Variants in ARID3C observed in about 807,000 individuals in gnomAD.
The protein encoded by ARID3C is AT-rich interaction domain 3C.
ARID3C carries 42 observed loss-of-function variants against 37.9 expected under a neutral mutation model. That is an observed-to-expected ratio of 1.11 (90% CI 0.87 to 1.43). The LOEUF is 1.43. Among genes scored for constraint, ARID3C ranks in the 40% most tolerant of loss-of-function variants. The pLI is 0.00. For missense variants in ARID3C, 581 were observed against 548.8 expected (o/e 1.06, Z -0.59); for synonymous variants, 213 against 228.0 (o/e 0.93, Z 0.59).
chr9:34,624,971 C>G (rs916142255), intron 2 of ARID3C, among the ~76,000 whole-genome samples: 2 of 151,812 alleles, frequency 1.3e-5, no homozygotes, highest in African/African-American at 4.8e-5. Flanking sequence ...ACTTAGGTCC[C>G]TACTGAGGGT....
chr9:34,621,652 G>T, intron 6 of ARID3C, 94 bp from the exon 8 acceptor site: 2 of 956,998 alleles, frequency 2.1e-6, no homozygotes, highest in South Asian at 1.6e-5. Flanking sequence ...AAGTGTTCTG[G>T]TTGCTAGAAC....
chr9:34,630,995 G>T (rs1399939198), upstream of ARID3C, among the ~76,000 whole-genome samples: 1 of 152,156 alleles, frequency 6.6e-6, no homozygotes, highest in Non-Finnish European at 1.5e-5. Context: ...GCTGGGAGGG[G>T]AGAATCAGTG....
intron 1 of ARID3C, 121 bp downstream of exon 2, chr9:34,627,576 T>A (rs1245620699): frequency 2.3e-6 from 2 of 873,906 alleles, no homozygotes; most frequent in Non-Finnish European, 3.5e-6. Context: ...TCCGTGTCTC[T>A]GTGTCTCTTT....
upstream of ARID3C, among the ~76,000 whole-genome samples, chr9:34,631,426 C>T (rs575009533): frequency 6.6e-6 from 1 of 152,330 alleles, no homozygotes; most frequent in South Asian, 2.1e-4. Context: ...GCCTCTCATA[C>T]CCGCAGTCTG....
chr9:34,631,427 C>T (rs1167282496), upstream of ARID3C, among the ~76,000 whole-genome samples: 1 of 152,192 alleles, frequency 6.6e-6, no homozygotes, highest in Non-Finnish European at 1.5e-5. Context: ...CCTCTCATAC[C>T]CGCAGTCTGG....
chr9:34,625,848 C>G, intron 1 of ARID3C, 34 bp from the exon 3 acceptor site: 1 of 1,610,454 alleles, frequency 6.2e-7, no homozygotes, highest in East Asian at 2.2e-5. Flanking sequence ...TACAGCTCTG[C>G]TGACTCCCCC....
At chr9:34,625,950 A>G in intron 1 of ARID3C, 136 bp from the exon 3 acceptor site, 1 of 974,788 alleles carries the variant, frequency 1.0e-6, no homozygotes, top group Admixed American at 2.4e-5. Flanking sequence ...CCCTGGGATT[A>G]GCATTAGGCT....
intron 4 of ARID3C, 108 bp downstream of exon 5, chr9:34,623,317 A>T: frequency 1.5e-6 from 2 of 1,318,790 alleles, no homozygotes; most frequent in Non-Finnish European, 2.0e-6. Context: ...CTGCTCCCAT[A>T]CCTCAATGCC....
chr9:34,625,186 G>T (rs780336354), intron 2 of ARID3C, among the ~76,000 whole-genome samples: 1 of 152,118 alleles, frequency 6.6e-6, no homozygotes, highest in South Asian at 2.1e-4. Context: ...ATGAATCTGG[G>T]AAAAAGCTGA....
At chr9:34,621,498 G>A (rs1397390332) in exon 7 of ARID3C, 3 of 1,540,376 alleles carry the variant, frequency 1.9e-6, no homozygotes, top group South Asian at 1.3e-5. Context: ...GGAGGGTGGG[G>A]GTGCAGGGTT....
In ARID3C at chr9:34,623,303, C is replaced by A. The variant is rs1820602328; in HGVS notation, c.865+122G>T. 3 of 1,230,412 alleles carry A rather than the reference C, an allele frequency of 2.4e-6. No homozygotes were observed. The East Asian group carries it at 8.2e-5, about 34-fold the overall frequency. 76.2% of individuals were successfully genotyped at this position (1,230,412 alleles called of 1,614,324 possible). A position where few individuals can be genotyped will look rare whatever the true frequency, so the allele number is the denominator to read the frequency against. ...CCCAAACCTCAGAAGCCCGTCAGAC[C>A]TTACTGCTCCCATACCTCAATGCCT... On this transcript the variant is annotated intron_variant, in intron 4 of 6. Coordinates refer to ENST00000378909, the Ensembl canonical transcript of ARID3C.
At chr9:34,625,312 C>T (rs1820639959) in intron 2 of ARID3C, among the ~76,000 whole-genome samples, 1 of 152,158 alleles carries the variant, frequency 6.6e-6, no homozygotes, top group Non-Finnish European at 1.5e-5. Context: ...TCACATAGTC[C>T]CCAGCCCACC....
exon 3 of ARID3C, chr9:34,623,914 G>T: frequency 6.2e-7 from 1 of 1,601,086 alleles, no homozygotes; most frequent in Non-Finnish European, 8.5e-7. Flanking sequence ...GTAGGCTGAG[G>T]CCGCGCGTGA....
In ARID3C at chr9:34,622,375, G is replaced by C. The variant is rs975944210; in HGVS notation, c.1020C>G (p.Phe340Leu). 3 of 1,612,452 alleles carry C rather than the reference G, an allele frequency of 1.9e-6. No individual in the cohort carries two copies. In the South Asian group the frequency reaches 3.3e-5, roughly 18 times the overall value. ...TCAGGGGAACCTTGCCACGGGGCAG[G>C]AAACTGGGGGGCATGCAAGGTCGAG... is the stretch of plus-strand genomic sequence containing the variant. Residue 340 changes from phenylalanine to leucine, a missense_variant, in exon 5 of 7, where the codon TTC (phenylalanine) becomes TTG (leucine). Coordinates refer to ENST00000378909, the Ensembl canonical transcript of ARID3C.
chr9:34,627,913 G>T (rs910227920), exon 1 of ARID3C: 3 of 1,558,640 alleles, frequency 1.9e-6, no homozygotes, highest in African/African-American at 1.4e-5. Flanking sequence ...GGGTCCGGTG[G>T]TCAGGCAGGG....
upstream of ARID3C, chr9:34,628,146 G>C: frequency 3.2e-6 from 4 of 1,258,724 alleles, no homozygotes; most frequent in Admixed American, 3.0e-5. The surrounding 1 kb of genome is among the most constrained non-coding windows in gnomAD (Gnocchi z 5.2). Context: ...CCCAACACAG[G>C]GGGAGGTGGT....
At chr9:34,621,477 G>A in exon 7 of ARID3C, 2 of 1,531,770 alleles carry the variant, frequency 1.3e-6, no homozygotes, top group Non-Finnish European at 8.7e-7. Context: ...GATGCTGGAA[G>A]GGGGCCCTGT....
In ARID3C at chr9:34,623,957, AC is replaced by A; in HGVS notation, c.481del (p.Val161TrpfsTer34). 1 of 1,605,818 alleles carries A rather than the reference AC, an allele frequency of 6.2e-7. No individual in the cohort carries two copies. The highest frequency in any genetic ancestry group is 1.7e-5 in the Admixed American group (1 of 59,694). On this transcript the variant is annotated frameshift_variant, in exon 3 of 7. Coordinates refer to ENST00000378909, the Ensembl canonical transcript of ARID3C. LOFTEE classifies it high-confidence loss of function. The stretch of plus-strand genomic sequence containing the variant: ...CCACACTTTGCGGTTGATGACTTCC[AC>A]CAGGCCGCCCTTGGCGGTCACCAGG...
chr9:34,623,681 C>G, exon 4 of ARID3C: 3 of 1,576,324 alleles, frequency 1.9e-6, no homozygotes, highest in Non-Finnish European at 2.6e-6. Context: ...GCGCTCGAGT[C>G]TCGCACTCGT....
Sources: gnomAD v4.1 joint callset for allele counts (sites outside exome capture counted in the v4.1 genomes callset) on GRCh38, gnomAD v4.1.1 for gene constraint, Gnocchi (gnomAD v3.1) non-coding constraint, MANE v1.5 for transcripts, NCBI Gene and HGNC (gene_info 2026-07-23, HGNC 2026-07-21) for gene names.